The following KCNIP4 variants were observed in gnomAD, a reference collection of about 807,000 sequenced individuals.
The protein encoded by KCNIP4 is Kv channel-interacting protein 4.
In KCNIP4, 12 loss-of-function variants were observed where a neutral mutation model predicts 34.0. That is an observed-to-expected ratio of 0.35 (90% CI 0.23 to 0.57). The LOEUF is 0.57. Among genes scored for constraint, KCNIP4 ranks in the 20% least tolerant of loss-of-function variants. The pLI is 0.83. For missense variants in KCNIP4, 238 were observed against 311.7 expected (o/e 0.76, Z 1.78); for synonymous variants, 124 against 102.2 (o/e 1.21, Z -1.29).
intron 1 of KCNIP4, among the ~76,000 whole-genome samples, chr4:21,121,237 C>T (rs1278434735): frequency 1.3e-5 from 2 of 152,148 alleles, no homozygotes; most frequent in Non-Finnish European, 2.9e-5. Context: ...TGCTGTCCGG[C>T]CCCCTTATGC....
intron 1 of KCNIP4, among the ~76,000 whole-genome samples, chr4:21,304,933 G>C (rs745683456): frequency 6.6e-6 from 1 of 151,102 alleles, no homozygotes; most frequent in Admixed American, 6.6e-5. Context: ...TATAAATAAT[G>C]ATGTAAGTAA....
intron 1 of KCNIP4, among the ~76,000 whole-genome samples, chr4:21,364,899 T>G (rs1719583444): frequency 6.6e-6 from 1 of 152,134 alleles, no homozygotes; most frequent in South Asian, 2.1e-4. Flanking sequence ...TGGGGTCCTT[T>G]GCATAAAGTC....
intron 1 of KCNIP4, among the ~76,000 whole-genome samples, chr4:21,117,834 C>G (rs1749822577): frequency 6.6e-6 from 1 of 152,118 alleles, no homozygotes; most frequent in Non-Finnish European, 1.5e-5. Flanking sequence ...AGGCAATTAG[C>G]ACTCAGAGTA....
At chr4:21,725,833 TA>T (rs1213970118) in intron 1 of KCNIP4, among the ~76,000 whole-genome samples, 1 of 152,128 alleles carries the variant, frequency 6.6e-6, no homozygotes, top group African/African-American at 2.4e-5. Context: ...AGGTATATAA[TA>T]AATGTTATAA....
At chr4:21,035,125 G>A (rs905907607) in intron 1 of KCNIP4, among the ~76,000 whole-genome samples, 8 of 152,186 alleles carry the variant, frequency 5.3e-5, no homozygotes, top group Non-Finnish European at 4.4e-5. Flanking sequence ...ATTCTGGGAT[G>A]CAATGTTTTG....
At chr4:21,798,525 A>AGG in intron 1 of KCNIP4, among the ~76,000 whole-genome samples, 1 of 144,482 alleles carries the variant, frequency 6.9e-6, no homozygotes, top group Non-Finnish European at 1.5e-5. Flanking sequence ...AAAAAAAAAA[A>AGG]AAAAAAAGGA....
intron 1 of KCNIP4, among the ~76,000 whole-genome samples, chr4:21,036,517 G>GC (rs1438634040): frequency 1.3e-5 from 2 of 152,188 alleles, no homozygotes; most frequent in Non-Finnish European, 2.9e-5. Flanking sequence ...AATATATCAA[G>GC]CATAAAGAGT....
intron 3 of KCNIP4, among the ~76,000 whole-genome samples, chr4:20,819,798 C>G (rs1578695945): frequency 1.3e-5 from 2 of 152,224 alleles, no homozygotes; most frequent in Non-Finnish European, 2.9e-5. Context: ...GAGGACACAG[C>G]ATTCATCCCT....
intron 1 of KCNIP4, among the ~76,000 whole-genome samples, chr4:21,589,187 T>TGTAC (rs1435895729): frequency 7.0e-5 from 4 of 57,288 alleles, no homozygotes; most frequent in Non-Finnish European, 1.2e-4. Flanking sequence ...TATATATATA[T>TGTAC]ATATATATAT....
chr4:21,731,604 C>T (rs571075795), intron 1 of KCNIP4, among the ~76,000 whole-genome samples: 22 of 152,188 alleles, frequency 1.4e-4, no homozygotes, highest in Admixed American at 1.0e-3. Flanking sequence ...GCACTTCACC[C>T]CTGACATCCT....
At chr4:21,714,550 AG>A (rs748607879) in intron 1 of KCNIP4, among the ~76,000 whole-genome samples, 24 of 135,408 alleles carry the variant, frequency 1.8e-4, no homozygotes, top group Non-Finnish European at 2.9e-4. Flanking sequence ...AGAGGGAGGA[AG>A]GGGGGGATTA....
chr4:21,246,095 G>A (rs1166099595), intron 1 of KCNIP4, among the ~76,000 whole-genome samples: 5 of 152,088 alleles, frequency 3.3e-5, no homozygotes, highest in African/African-American at 1.2e-4. Flanking sequence ...CTGCACATTA[G>A]GCAGATGAAG....
At chr4:21,883,554 C>A (rs968017930) in intron 1 of KCNIP4, among the ~76,000 whole-genome samples, 3 of 152,010 alleles carry the variant, frequency 2.0e-5, no homozygotes, top group Admixed American at 1.3e-4. Flanking sequence ...TGTGATGAAC[C>A]ATTGCTCCTG....
chr4:21,809,092 G>A (rs1014840450), intron 1 of KCNIP4, among the ~76,000 whole-genome samples: 4 of 152,066 alleles, frequency 2.6e-5, no homozygotes, highest in South Asian at 2.1e-4. Context: ...CTGGTAAAAC[G>A]CTATTTCTGG....
intron 1 of KCNIP4, among the ~76,000 whole-genome samples, chr4:21,142,729 C>T (rs1164902712): frequency 1.3e-5 from 2 of 152,150 alleles, no homozygotes; most frequent in African/African-American, 2.4e-5. Flanking sequence ...GGGTGTTGGA[C>T]TCCCAAGAAA....
intron 1 of KCNIP4, among the ~76,000 whole-genome samples, chr4:21,534,452 G>T (rs999955478): frequency 6.6e-6 from 1 of 151,958 alleles, no homozygotes; most frequent in Non-Finnish European, 1.5e-5. Context: ...TTCCCATTTT[G>T]CAGGTGAGGA....
intron 1 of KCNIP4, among the ~76,000 whole-genome samples, chr4:20,887,258 C>T (rs1308551652): frequency 6.6e-6 from 1 of 151,710 alleles, no homozygotes; most frequent in African/African-American, 2.4e-5. Context: ...ATCTGTGCAT[C>T]ATATCAAAAA....
At chr4:21,541,379 C>A (rs1737679237) in intron 1 of KCNIP4, among the ~76,000 whole-genome samples, 3 of 152,112 alleles carry the variant, frequency 2.0e-5, no homozygotes, top group Admixed American at 1.3e-4. Flanking sequence ...CCTACTCTTA[C>A]CCTTTTCCTT....
intron 1 of KCNIP4, among the ~76,000 whole-genome samples, chr4:21,027,425 T>A (rs1018676070): frequency 6.6e-6 from 1 of 151,634 alleles, no homozygotes; most frequent in Non-Finnish European, 1.5e-5. Context: ...TTAGATTAGA[T>A]ACGGGGCTGA....
Sources: allele counts gnomAD v4.1 joint callset (sites outside exome capture counted in the v4.1 genomes callset), GRCh38; gene constraint gnomAD v4.1.1; transcripts MANE v1.5; gene names NCBI Gene and HGNC (gene_info 2026-07-23, HGNC 2026-07-21).